Variants in PIEZO2 observed in about 807,000 individuals in gnomAD.
PIEZO2 encodes the protein piezo-type mechanosensitive ion channel component 2.
Under a neutral mutation model 337.3 loss-of-function variants are expected in PIEZO2, and 172 were observed. That is an observed-to-expected ratio of 0.51 (90% CI 0.45 to 0.58). The LOEUF (loss-of-function observed/expected upper bound fraction) is 0.58, where lower values mean the gene tolerates loss of function less well. PIEZO2 is among the 20% of genes least tolerant of loss of function. PIEZO2 has a pLI of 0.00. For synonymous variants in PIEZO2, 1,251 were observed against 1,228.5 expected (o/e 1.02, Z -0.38); for missense variants, 3,028 against 3,391.3 (o/e 0.89, Z 2.66).
rs1045328895 is a variant in PIEZO2, at chr18:10,903,442, C to T, written c.329+7744G>A. ...CAGCACTTTGAGAGGCCAAGGCGGG[C>T]GGATCATGAGGTCAAGAGATCGAGA... On this transcript the variant is annotated intron_variant, in intron 4 of 55. Transcript: ENST00000674853. The surrounding 1 kb of genome is among the most constrained non-coding windows in gnomAD (Gnocchi z 4.1). Among the ~76,000 whole-genome samples, 9 of 152,022 alleles carry T rather than the reference C, an allele frequency of 5.9e-5. No homozygotes were observed. The highest frequency in any genetic ancestry group is 1.7e-4 in the African/African-American group (7 of 41,392).
intron 3 of PIEZO2, among the ~76,000 whole-genome samples, chr18:10,971,072 G>A (rs942793465): frequency 3.9e-5 from 6 of 152,110 alleles, no homozygotes; most frequent in African/African-American, 1.4e-4. Context: ...GACTCCCCAT[G>A]ACCAGACACT....
In PIEZO2 at chr18:10,982,353, G is replaced by T. The variant is rs11875269; in HGVS notation, c.161-2693C>A. The stretch of plus-strand genomic sequence containing the variant: ...AACCTAAAAAAGAATGCTTAAGACC[G>T]TTCTTGACAAAATTGTAAAAAAAAA... On this transcript the variant is annotated intron_variant, in intron 2 of 55. Transcript: ENST00000674853. The surrounding 1 kb of genome is among the most constrained non-coding windows in gnomAD (Gnocchi z 4.1). 3.6e-3 allele frequency among the ~76,000 whole-genome samples: 543 copies of T among 151,904 alleles called. 1 individual carries two copies. Among genetic ancestry groups the T allele is most frequent in the Non-Finnish European group, 6.5e-3 (441 of 67,948 alleles).
Position 10,675,340 on chromosome 18 carries a change from C to G in PIEZO2, c.8082-52G>C, listed in dbSNP as rs769510668. The stretch of plus-strand genomic sequence containing the variant: ...ATTACGTTTTAGTTGTTTTACCCAC[C>G]TAAAATTGATTTTTTGTTGTTATTG... On this transcript the variant is annotated intron_variant, in intron 53 of 55. Coordinates refer to ENST00000674853, the MANE Select transcript of PIEZO2 (RefSeq NM_001378183.1). 5 of 1,196,500 alleles carry G rather than the reference C, an allele frequency of 4.2e-6. No individual in the cohort carries two copies. In the African/African-American group the frequency reaches 7.9e-5, roughly 19 times the overall value. 74.1% of individuals were successfully genotyped at this position (1,196,500 alleles called of 1,614,324 possible). A position where few individuals can be genotyped will look rare whatever the true frequency, so the allele number is the denominator to read the frequency against.
rs1356341324 is a variant in PIEZO2, at chr18:11,132,094, T to C, written c.64+16431A>G. On this transcript the variant is annotated intron_variant, in intron 1 of 55. Coordinates refer to ENST00000674853, the MANE Select transcript of PIEZO2 (RefSeq NM_001378183.1). This position sits in a 1 kb window ranked among gnomAD's most constrained non-coding sequence, Gnocchi z 4.7. ...GATCAGCCAGCTACCTGGTGGCTGG[T>C]TGATTATATTGGACCTCTTCCAACA... Among the ~76,000 whole-genome samples the C allele has an allele frequency of 2.6e-5, 4 of 152,174 alleles. No individual in the cohort carries two copies. The Middle Eastern group carries it at 0.01, about 388-fold the overall frequency.
Position 11,125,194 on chromosome 18 carries a change from G to A in PIEZO2, c.64+23331C>T, listed in dbSNP as rs952910125. On this transcript the variant is annotated intron_variant, in intron 1 of 55. Transcript: ENST00000674853. The surrounding 1 kb of genome is among the most constrained non-coding windows in gnomAD (Gnocchi z 4.4). The stretch of plus-strand genomic sequence containing the variant: ...TGCACACATACAAAATACACACACC[G>A]TCTATCCTGCCAGGCAGGATGGGGA... Among the ~76,000 whole-genome samples, 8 of 151,932 alleles carry A rather than the reference G, an allele frequency of 5.3e-5. No homozygotes were observed. Among genetic ancestry groups the A allele is most frequent in the African/African-American group, 1.2e-4 (5 of 41,356 alleles).
intron 4 of PIEZO2, among the ~76,000 whole-genome samples, chr18:10,905,050 T>A (rs1431764397): frequency 3.3e-5 from 5 of 152,174 alleles, no homozygotes; most frequent in African/African-American, 1.2e-4. Flanking sequence ...AAATAACAAC[T>A]TAAAAAAATC....
Position 11,109,003 on chromosome 18 carries a change from C to T in PIEZO2, c.64+39522G>A, listed in dbSNP as rs2039654779. ...GGGCAGAACTTGCCCCCTGTCAGTA[C>T]CACCAGCACCAAGGTGGGGGCGAAC... On this transcript the variant is annotated intron_variant, in intron 1 of 55. Transcript: ENST00000674853. The surrounding 1 kb of genome is among the most constrained non-coding windows in gnomAD (Gnocchi z 5.1). 2.6e-5 allele frequency among the ~76,000 whole-genome samples: 4 copies of T among 152,246 alleles called. No individual in the cohort carries two copies. Among genetic ancestry groups the T allele is most frequent in the Admixed American group, 2.6e-4 (4 of 15,290 alleles).
intron 3 of PIEZO2, among the ~76,000 whole-genome samples, chr18:10,925,577 G>GA (rs200268577): frequency 6.6e-6 from 1 of 152,028 alleles, no homozygotes; most frequent in South Asian, 2.1e-4. Flanking sequence ...TACAAAAAGT[G>GA]AAAAAAAATT....
rs112301932 is a variant in PIEZO2 at position 10,999,733 on chromosome 18, T to C, written c.161-20073A>G. On this transcript the variant is annotated intron_variant, in intron 2 of 55. Transcript: ENST00000674853. ...GCACTTGGACTACATTAGAAAAAAT[T>C]TAGAAAAATTGTCTTAGAAAGCAAG... 1.1e-3 allele frequency among the ~76,000 whole-genome samples: 162 copies of C among 152,210 alleles called. 1 individual carries two copies. Among genetic ancestry groups the C allele is most frequent in the African/African-American group, 3.6e-3 (151 of 41,530 alleles).
chr18:11,112,832 A>G lies in PIEZO2; in HGVS notation c.64+35693T>C, dbSNP rs2039776636. Among the ~76,000 whole-genome samples, 1 of 152,180 alleles carries G rather than the reference A, an allele frequency of 6.6e-6. No homozygotes were observed. Among genetic ancestry groups the G allele is most frequent in the South Asian group, 2.1e-4 (1 of 4,830 alleles). On this transcript the variant is annotated intron_variant, in intron 1 of 55. Transcript: ENST00000674853. The surrounding 1 kb of genome is among the most constrained non-coding windows in gnomAD (Gnocchi z 4.3). ...AAGAGGAAGAGGCGCTATGGAGAAGAAGGAGCAAGCCAGTCTGTGCAGAAT... is the reference window on the plus strand; with the variant it reads ...AAGAGGAAGAGGCGCTATGGAGAAGGAGGAGCAAGCCAGTCTGTGCAGAAT...
rs548179532 is a variant in PIEZO2, at chr18:10,731,551, G to A, written c.4915-30C>T. ...AGGGAGAAAGTTCAATTATTTTCTGGCCTTTTAATAATTTGAAATAAAAGG... is the reference window on the plus strand; with the variant it reads ...AGGGAGAAAGTTCAATTATTTTCTGACCTTTTAATAATTTGAAATAAAAGG... On this transcript the variant is annotated intron_variant, in intron 35 of 55. Coordinates refer to ENST00000674853, the MANE Select transcript of PIEZO2 (RefSeq NM_001378183.1). 526 of 1,396,972 alleles carry A rather than the reference G, an allele frequency of 3.8e-4. 1 individual carries two copies. The highest frequency in any genetic ancestry group is 7.2e-4 in the Middle Eastern group (4 of 5,582). The allele number at this position is 1,396,972 out of a possible 1,614,324, so 86.5% of individuals were successfully genotyped here.
chr18:10,759,908 G>C lies in PIEZO2; in HGVS notation c.3452C>G (p.Thr1151Ser), dbSNP rs1057524577. Residue 1151 changes from threonine (T) to serine (S), a missense_variant and splice_region_variant, in exon 25 of 56, where the codon ACC becomes AGC. Coordinates refer to ENST00000674853, the MANE Select transcript of PIEZO2 (RefSeq NM_001378183.1). The surrounding 1 kb of genome is among the most constrained non-coding windows in gnomAD (Gnocchi z 5.5). ...NYFFYKFGLETCFLMSVNVIG... is the reference protein window; with the variant it reads ...NYFFYKFGLESCFLMSVNVIG... Reference sequence around the variant, plus strand: ...GACGTTAACTGACATTAGGAAACAGGTCTGTGTAAAGATGAAAAGAGGCAA... The same window carrying C: ...GACGTTAACTGACATTAGGAAACAGCTCTGTGTAAAGATGAAAAGAGGCAA... The C allele has an allele frequency of 6.5e-7, 1 of 1,536,992 alleles. No homozygotes were observed. Among genetic ancestry groups the C allele is most frequent in the Non-Finnish European group, 8.7e-7 (1 of 1,146,526 alleles).
At chr18:10,731,197 A>ATC (rs2036765853) in intron 36 of PIEZO2, among the ~76,000 whole-genome samples, 1 of 63,068 alleles carries the variant, frequency 1.6e-5, no homozygotes, top group South Asian at 3.8e-4. Context: ...ATATATATAT[A>ATC]TATATATATA....
intron 9 of PIEZO2, among the ~76,000 whole-genome samples, chr18:10,802,972 C>A (rs1420692702): frequency 1.5e-3 from 195 of 127,374 alleles, no homozygotes; most frequent in South Asian, 2.3e-3. Flanking sequence ...ACTCTGTTGC[C>A]AAAAAAAAAA....
chr18:10,890,142 G>C (rs1355802700), intron 4 of PIEZO2, among the ~76,000 whole-genome samples: 1 of 152,216 alleles, frequency 6.6e-6, no homozygotes, highest in East Asian at 1.9e-4. Flanking sequence ...AAAATGGAAA[G>C]CCAGTAAAAT....
Position 11,099,181 on chromosome 18 carries a change from T to A in PIEZO2, c.65-32959A>T, listed in dbSNP as rs149524904. Among the ~76,000 whole-genome samples, 3 of 152,176 alleles carry A rather than the reference T, an allele frequency of 2.0e-5. No individual in the cohort carries two copies. The highest frequency in any genetic ancestry group is 2.9e-5 in the Non-Finnish European group (2 of 68,028). On this transcript the variant is annotated intron_variant, in intron 1 of 55. Coordinates refer to ENST00000674853, the MANE Select transcript of PIEZO2 (RefSeq NM_001378183.1). This position sits in a 1 kb window ranked among gnomAD's most constrained non-coding sequence, Gnocchi z 5.4. ...CCCTGACTGGACTGACATTTCACTA[T>A]TTTTTACAGTCCTGCATTCAGAAGT...
intron 26 of PIEZO2, among the ~76,000 whole-genome samples, chr18:10,758,336 C>G (rs2037972685): frequency 7.0e-6 from 1 of 143,840 alleles, no homozygotes; most frequent in Admixed American, 6.8e-5. Flanking sequence ...AGAGTGACCA[C>G]AGACACTCCA....
intron 3 of PIEZO2, among the ~76,000 whole-genome samples, chr18:10,931,239 G>A (rs551312017): frequency 3.3e-5 from 5 of 151,734 alleles, no homozygotes; most frequent in South Asian, 2.1e-4. Context: ...TCTGTTTGTC[G>A]CCCAGGCTGG....
chr18:11,128,371 A>G lies in PIEZO2; in HGVS notation c.64+20154T>C, dbSNP rs549467946. ...GAGAGTGGCTGACCTGCAACGAAAGATACATGCACAGCCCCGCCAGGTGTC... is the reference window on the plus strand; with the variant it reads ...GAGAGTGGCTGACCTGCAACGAAAGGTACATGCACAGCCCCGCCAGGTGTC... On this transcript the variant is annotated intron_variant, in intron 1 of 55. Coordinates refer to ENST00000674853, the MANE Select transcript of PIEZO2 (RefSeq NM_001378183.1). The surrounding 1 kb of genome is among the most constrained non-coding windows in gnomAD (Gnocchi z 4.1). Among the ~76,000 whole-genome samples, 227 of 152,324 alleles carry G rather than the reference A, an allele frequency of 1.5e-3. 2 individuals are homozygous for G. The highest frequency in any genetic ancestry group is 5.3e-3 in the African/African-American group (221 of 41,576).
Sources: allele counts gnomAD v4.1 joint callset (sites outside exome capture counted in the v4.1 genomes callset), GRCh38; gene constraint gnomAD v4.1.1; non-coding constraint Gnocchi (gnomAD v3.1); transcripts MANE v1.5; gene names NCBI Gene and HGNC (gene_info 2026-07-23, HGNC 2026-07-21).